Variants in ZFYVE27 observed in about 807,000 individuals in gnomAD.
ZFYVE27 encodes the protein protrudin.
In ZFYVE27, 36 loss-of-function variants were observed where a neutral mutation model predicts 52.8. The observed-to-expected ratio is 0.68, with a 90% CI of 0.52 to 0.90. ZFYVE27 has a LOEUF of 0.90. ZFYVE27 is among the 40% of genes least tolerant of loss of function. The pLI is 0.00. For missense variants in ZFYVE27, 450 were observed against 527.2 expected (o/e 0.85, Z 1.43); for synonymous variants, 223 against 215.6 (o/e 1.03, Z -0.30).
intron 8 of ZFYVE27, among the ~76,000 whole-genome samples, chr10:97,751,840 G>A (rs570901142): frequency 2.6e-5 from 4 of 152,210 alleles, no homozygotes; most frequent in Non-Finnish European, 4.4e-5. Context: ...GTCCCTTTGC[G>A]GGGCTGGGAG....
intron 4 of ZFYVE27, among the ~76,000 whole-genome samples, chr10:97,745,186 T>C (rs111669854): frequency 1.9e-4 from 13 of 68,768 alleles, no homozygotes; most frequent in East Asian, 3.0e-4. Flanking sequence ...TTCTTTCTTT[T>C]TTTTTTTGAG....
intron 2 of ZFYVE27, among the ~76,000 whole-genome samples, chr10:97,742,787 A>G (rs2044094072): frequency 6.6e-6 from 1 of 152,254 alleles, no homozygotes; most frequent in Non-Finnish European, 1.5e-5. Flanking sequence ...TAAGGAGAAT[A>G]CAACCTTACA....
chr10:97,746,468 CT>C (rs1251003496), intron 4 of ZFYVE27, among the ~76,000 whole-genome samples: 1 of 152,186 alleles, frequency 6.6e-6, no homozygotes, highest in African/African-American at 2.4e-5. Context: ...TATACATATT[CT>C]TTTCTTTTTC....
At position 97,752,870 on chromosome 10, in the gene ZFYVE27, T is replaced by C. The variant is rs752871118; in HGVS notation, c.890T>C (p.Val297Ala). ...CTTGGGAGGCAGGAGACCCACTTGG[T>C]GGTGCTGGTAAGTGGAAGCCTTGGT... The part of the protein sequence containing the change: ...FKDAIEETHL[V>A]VLEDDEGAPC... The change falls in exon 9 of 13, where the codon GTG becomes GCG. Residue 297 changes from valine to alanine, a missense_variant. Physicochemically the swap from Val to Ala is moderately conservative, Grantham distance 64. Coordinates refer to ENST00000684270, the MANE Select transcript of ZFYVE27 (RefSeq NM_001385875.1). The C allele has an allele frequency of 1.3e-6, 2 of 1,550,256 alleles. No homozygotes were observed. The highest frequency in any genetic ancestry group is 1.8e-6 in the Non-Finnish European group (2 of 1,142,238).
chr10:97,738,852 A>G (rs1008124235), intron 2 of ZFYVE27, 178 bp downstream of exon 2: 3 of 665,956 alleles, frequency 4.5e-6, no homozygotes, highest in Non-Finnish European at 8.0e-6. Context: ...TCTCAGGCCC[A>G]GCCCAGGAGA....
At chr10:97,747,859 T>TC (rs1015245280) in intron 4 of ZFYVE27, among the ~76,000 whole-genome samples, 11 of 152,132 alleles carry the variant, frequency 7.2e-5, no homozygotes. Flanking sequence ...CAACCAGAAC[T>TC]CCCCAAGTGA....
intron 10 of ZFYVE27, among the ~76,000 whole-genome samples, chr10:97,756,254 T>C (rs912083742): frequency 6.6e-6 from 1 of 152,168 alleles, no homozygotes; most frequent in African/African-American, 2.4e-5. Flanking sequence ...AGGCTTGTTC[T>C]TCTCTTTCCC....
Position 97,753,187 on chromosome 10 carries a change from G to T in ZFYVE27, c.1042+5G>T. ...GCTACCCCACCAACAACTTCGGTGC[G>T]GCCAGGGGACAGGGCTGGGCTGGTG... On this transcript the variant is annotated splice_donor_5th_base_variant and intron_variant, in intron 10 of 12. Coordinates refer to ENST00000684270, the MANE Select transcript of ZFYVE27 (RefSeq NM_001385875.1). 6.2e-7 allele frequency: 1 copy of T among 1,610,160 alleles called. No individual in the cohort carries two copies. The highest frequency in any genetic ancestry group is 2.2e-5 in the East Asian group (1 of 44,700).
Position 97,760,254 on chromosome 10 carries a change from C to A in ZFYVE27, c.*954C>A, listed in dbSNP as rs553098035. On this transcript the variant is annotated 3_prime_UTR_variant, in exon 13 of 13. Coordinates refer to ENST00000684270, the MANE Select transcript of ZFYVE27 (RefSeq NM_001385875.1). Reference sequence around the variant, plus strand: ...TGGGGGCCTGGGTAGTGTAGGATCTCGCTGGGCTGGGTCCTGGATTCCAGG... The same window carrying A: ...TGGGGGCCTGGGTAGTGTAGGATCTAGCTGGGCTGGGTCCTGGATTCCAGG... 1 of 151,296 alleles carries A rather than the reference C, an allele frequency of 6.6e-6. No individual in the cohort carries two copies. Among genetic ancestry groups the A allele is most frequent in the African/African-American group, 2.4e-5 (1 of 41,112 alleles). The allele number at this position is 151,296 out of a possible 1,614,324, so 9.4% of individuals were successfully genotyped here. A position where few individuals can be genotyped will look rare whatever the true frequency, so the allele number is the denominator to read the frequency against.
chr10:97,742,134 G>GAAAAAAAAAAAAAAAAAAA, intron 2 of ZFYVE27, among the ~76,000 whole-genome samples: 1 of 75,202 alleles, frequency 1.3e-5, no homozygotes, highest in Non-Finnish European at 3.2e-5. Context: ...TGTCTCAAAA[G>GAAAAAAAAAAAAAAAAAAA]AAAAAAAAAA....
chr10:97,753,353 C>A (rs2136270139), intron 10 of ZFYVE27, among the ~76,000 whole-genome samples, 171 bp downstream of exon 10: 1 of 152,170 alleles, frequency 6.6e-6, no homozygotes, highest in East Asian at 1.9e-4. Flanking sequence ...TAGCAGATGC[C>A]CGGCAGGACT....
intron 10 of ZFYVE27, among the ~76,000 whole-genome samples, chr10:97,756,628 G>A (rs2136348976): frequency 6.6e-6 from 1 of 152,292 alleles, no homozygotes; most frequent in South Asian, 2.1e-4. Context: ...CCGGGCACTT[G>A]GCCATCTTGG....
chr10:97,752,094 G>A (rs556270183), intron 8 of ZFYVE27, among the ~76,000 whole-genome samples: 3 of 152,324 alleles, frequency 2.0e-5, no homozygotes, highest in African/African-American at 4.8e-5. Flanking sequence ...AGGAGCTGCT[G>A]TCCCCTTTAC....
intron 6 of ZFYVE27, chr10:97,750,118 T>TA (rs2136192183): frequency 1.7e-6 from 1 of 591,492 alleles, no homozygotes; most frequent in Non-Finnish European, 3.0e-6. Flanking sequence ...GAGCATTTAC[T>TA]ACATTTAATC....
intron 2 of ZFYVE27, among the ~76,000 whole-genome samples, chr10:97,742,620 TAAG>T (rs747787938): frequency 1.6e-4 from 25 of 152,298 alleles, no homozygotes; most frequent in Non-Finnish European, 1.0e-4. Context: ...AACATGGACA[TAAG>T]AAGATAAAGG....
chr10:97,745,629 C>T (rs1020573730), intron 4 of ZFYVE27, among the ~76,000 whole-genome samples: 5 of 152,202 alleles, frequency 3.3e-5, no homozygotes, highest in African/African-American at 1.2e-4. Context: ...AGTTTCTCAT[C>T]TGTTAAATGG....
chr10:97,752,199 G>A (rs756865518), intron 8 of ZFYVE27, among the ~76,000 whole-genome samples: 5 of 152,100 alleles, frequency 3.3e-5, no homozygotes, highest in Admixed American at 1.3e-4. Context: ...TCACATTTGC[G>A]TTTTTGTTTT....
At chr10:97,748,673 A>G (rs552888199) in intron 5 of ZFYVE27, among the ~76,000 whole-genome samples, 2 of 152,322 alleles carry the variant, frequency 1.3e-5, no homozygotes, top group African/African-American at 4.8e-5. Context: ...TTACGGATGT[A>G]TAGTTTCATA....
At chr10:97,740,107 A>G (rs1326483582) in intron 2 of ZFYVE27, among the ~76,000 whole-genome samples, 1 of 152,228 alleles carries the variant, frequency 6.6e-6, no homozygotes, top group African/African-American at 2.4e-5. Context: ...AGATTCTCAT[A>G]AAGACCCTCA....
Sources: gnomAD v4.1 joint callset for allele counts (sites outside exome capture counted in the v4.1 genomes callset) on GRCh38, gnomAD v4.1.1 for gene constraint, MANE v1.5 for transcripts, NCBI Gene and HGNC (gene_info 2026-07-23, HGNC 2026-07-21) for gene names.